Variants in FHIT observed in about 807,000 individuals in gnomAD.
FHIT encodes fragile histidine triad diadenosine triphosphatase, also known as bis(5'-adenosyl)-triphosphatase.
In FHIT, 19 loss-of-function variants were observed where a neutral mutation model predicts 17.9. The ratio of observed to expected loss-of-function variants is 1.06; its 90% CI spans 0.74 to 1.56. The LOEUF (loss-of-function observed/expected upper bound fraction) is 1.56. Among genes scored for constraint, FHIT ranks in the 40% most tolerant of loss-of-function variants. FHIT has a pLI of 0.00. For missense variants in FHIT, 248 were observed against 189.2 expected (o/e 1.31, Z -1.82); for synonymous variants, 81 against 69.7 (o/e 1.16, Z -0.81).
intron 4 of FHIT, among the ~76,000 whole-genome samples, chr3:60,773,539 A>G (rs6787897): frequency 0.57 from 86,728 of 151,956 alleles, 26,034 homozygotes; most frequent in African/African-American, 0.75. Context: ...TTTTTTTTCT[A>G]TGTCTTCTCT....
At chr3:59,793,480 C>T (rs1162253870) in intron 8 of FHIT, among the ~76,000 whole-genome samples, 1 of 152,106 alleles carries the variant, frequency 6.6e-6, no homozygotes, top group Non-Finnish European at 1.5e-5. Context: ...CAGCCTTGCC[C>T]AAGGTCACAT....
chr3:60,521,662 G>C (rs758915405), intron 5 of FHIT, among the ~76,000 whole-genome samples: 1 of 152,148 alleles, frequency 6.6e-6, no homozygotes, highest in Non-Finnish European at 1.5e-5. Context: ...GCAAATACCT[G>C]TTTTCATAGC....
At chr3:60,618,633 A>G (rs1320793898) in intron 4 of FHIT, among the ~76,000 whole-genome samples, 2 of 152,204 alleles carry the variant, frequency 1.3e-5, no homozygotes, top group African/African-American at 2.4e-5. Flanking sequence ...ACACCTAAAG[A>G]TGTCAACGTT....
At chr3:60,673,493 C>T (rs1383237830) in intron 4 of FHIT, among the ~76,000 whole-genome samples, 2 of 151,532 alleles carry the variant, frequency 1.3e-5, no homozygotes, top group African/African-American at 4.8e-5. Context: ...GGGAGGGAAA[C>T]AACACACACT....
intron 5 of FHIT, among the ~76,000 whole-genome samples, chr3:60,174,700 C>T (rs1193275890): frequency 1.3e-5 from 2 of 151,238 alleles, no homozygotes; most frequent in East Asian, 3.9e-4. Flanking sequence ...TTAAAATAAA[C>T]CACTCAGTGG....
intron 2 of FHIT, among the ~76,000 whole-genome samples, chr3:61,151,477 T>C (rs1386563022): frequency 4.6e-5 from 7 of 152,318 alleles, no homozygotes; most frequent in African/African-American, 1.4e-4. Context: ...TATTAATATG[T>C]ATCCAAAGGT....
At chr3:60,201,059 T>A (rs1173869136) in intron 5 of FHIT, among the ~76,000 whole-genome samples, 1 of 152,056 alleles carries the variant, frequency 6.6e-6, no homozygotes, top group African/African-American at 2.4e-5. Flanking sequence ...TAGAACAACG[T>A]GGGTGGAAAG....
chr3:60,700,646 T>A (rs2107907805), intron 4 of FHIT, among the ~76,000 whole-genome samples: 1 of 152,268 alleles, frequency 6.6e-6, no homozygotes, highest in Middle Eastern at 3.4e-3. Context: ...AAAGAGCAAG[T>A]GTACCATTAA....
intron 4 of FHIT, among the ~76,000 whole-genome samples, chr3:60,706,902 C>T (rs1342318785): frequency 6.6e-6 from 1 of 152,208 alleles, no homozygotes; most frequent in Non-Finnish European, 1.5e-5. Flanking sequence ...AATTGTGGCA[C>T]TTACATCTTT....
intron 8 of FHIT, among the ~76,000 whole-genome samples, chr3:59,800,461 T>C (rs1019018329): frequency 6.6e-6 from 1 of 152,236 alleles, no homozygotes; most frequent in African/African-American, 2.4e-5. Context: ...CCAGATTTTT[T>C]AATCACTAAG....
intron 5 of FHIT, among the ~76,000 whole-genome samples, chr3:60,244,744 G>A (rs1177915089): frequency 1.3e-5 from 2 of 152,028 alleles, no homozygotes; most frequent in Non-Finnish European, 2.9e-5. Flanking sequence ...CATCTTGAAT[G>A]GGACTTTTAT....
At chr3:60,000,920 T>C (rs1195385746) in intron 7 of FHIT, among the ~76,000 whole-genome samples, 4 of 152,206 alleles carry the variant, frequency 2.6e-5, no homozygotes, top group African/African-American at 9.6e-5. Context: ...TTTCCTAGAA[T>C]GTGCCAAGCT....
At chr3:60,258,867 T>C (rs1313040572) in intron 5 of FHIT, among the ~76,000 whole-genome samples, 1 of 152,142 alleles carries the variant, frequency 6.6e-6, no homozygotes, top group Non-Finnish European at 1.5e-5. Flanking sequence ...ATCTTCTTTG[T>C]GTCCCTGTAT....
intron 5 of FHIT, among the ~76,000 whole-genome samples, chr3:60,389,047 T>G (rs1701123144): frequency 6.6e-6 from 1 of 152,210 alleles, no homozygotes; most frequent in Admixed American, 6.5e-5. Context: ...CCCTAGTTGC[T>G]AATGTACTGG....
At chr3:60,984,861 G>A (rs1011323812) in intron 3 of FHIT, among the ~76,000 whole-genome samples, 2 of 152,012 alleles carry the variant, frequency 1.3e-5, no homozygotes, top group African/African-American at 4.8e-5. Flanking sequence ...CAGTTTGAAA[G>A]CCTAAGTTTT....
At chr3:61,216,262 T>C (rs574188456) in intron 1 of FHIT, among the ~76,000 whole-genome samples, 1 of 152,124 alleles carries the variant, frequency 6.6e-6, no homozygotes, top group Non-Finnish European at 1.5e-5. Flanking sequence ...AGGGCTAATA[T>C]CCCGAATCTA....
chr3:60,020,033 G>A lies in FHIT; in HGVS notation c.104-5881C>T, dbSNP rs530342810. ...AGTCAACACCAGTGAGAATGGGCAC[G>A]CGACATGAGATGCATGTGCCATTTC... is the stretch of plus-strand genomic sequence containing the variant. On this transcript the variant is annotated intron_variant, in intron 5 of 9. Transcript: ENST00000492590. Among the ~76,000 whole-genome samples, 9 of 152,244 alleles carry A rather than the reference G, an allele frequency of 5.9e-5. No homozygotes were observed. In the South Asian group the frequency reaches 6.2e-4, roughly 11 times the overall value.
At chr3:60,472,024 G>C (rs1355968306) in intron 5 of FHIT, among the ~76,000 whole-genome samples, 1 of 152,004 alleles carries the variant, frequency 6.6e-6, no homozygotes, top group Non-Finnish European at 1.5e-5. Context: ...TTTGGGGTGA[G>C]GGATGAAATA....
At chr3:61,075,319 G>A in intron 2 of FHIT, among the ~76,000 whole-genome samples, 1 of 151,846 alleles carries the variant, frequency 6.6e-6, no homozygotes, top group East Asian at 1.9e-4. Context: ...AGTACTATAA[G>A]GGATGTTTGT....
Sources: allele counts gnomAD v4.1 joint callset (sites outside exome capture counted in the v4.1 genomes callset), GRCh38; gene constraint gnomAD v4.1.1; transcripts MANE v1.5; gene names NCBI Gene and HGNC (gene_info 2026-07-23, HGNC 2026-07-21).